GLIS3: variants seen among roughly 807,000 people sequenced by gnomAD.
GLIS3 encodes the protein zinc finger protein GLIS3.
Under a neutral mutation model 78.6 loss-of-function variants are expected in GLIS3, and 53 were observed. The observed-to-expected ratio is 0.67, with a 90% confidence interval of 0.54 to 0.85. The LOEUF is 0.85. GLIS3 is among the 40% of genes least tolerant of loss of function. The pLI is 0.00. For synonymous variants in GLIS3, 684 were observed against 509.9 expected, an observed-to-expected ratio of 1.34 and a Z score of -4.60; for missense variants, 1,703 against 1,231.1, an observed-to-expected ratio of 1.38 and a Z score of -5.74.
chr9:4,235,509 T>G (rs1822647131), intron 2 of GLIS3, among the ~76,000 whole-genome samples: 1 of 152,200 alleles, frequency 6.6e-6, no homozygotes, highest in Non-Finnish European at 1.5e-5. Flanking sequence ...TGCAGTGATT[T>G]AGTCCTTTTG....
chr9:4,079,499 C>A (rs1346412980), intron 4 of GLIS3, among the ~76,000 whole-genome samples: 1 of 152,168 alleles, frequency 6.6e-6, no homozygotes, highest in African/African-American at 2.4e-5. Flanking sequence ...AAGATTCTCA[C>A]CTGCATGTCC....
At chr9:4,304,295 T>C (rs1199581783), upstream of GLIS3, among the ~76,000 whole-genome samples, 3 of 151,816 alleles carry the variant, frequency 2.0e-5, no homozygotes, top group Non-Finnish European at 4.4e-5. Flanking sequence ...GTGTAGGGAG[T>C]GTGAAGGAGG....
intron 9 of GLIS3, among the ~76,000 whole-genome samples, chr9:3,843,496 C>G (rs999155044): frequency 2.0e-5 from 3 of 152,162 alleles, no homozygotes; most frequent in Admixed American, 2.0e-4. Flanking sequence ...ACCTGACATA[C>G]ATCACTGGAT....
chr9:3,993,884 AT>A (rs1429428994), intron 4 of GLIS3, among the ~76,000 whole-genome samples: 2 of 152,106 alleles, frequency 1.3e-5, no homozygotes, highest in Non-Finnish European at 2.9e-5. Context: ...TTTTAAAAGT[AT>A]TTTGACAAAG....
chr9:4,456,705 C>T, the GLIS3 span, among the ~76,000 whole-genome samples: 1 of 152,108 alleles, frequency 6.6e-6, no homozygotes. Flanking sequence ...TACTTAGAGG[C>T]CATTGTAGGG....
chr9:4,332,998 G>A lies in GLIS3; in HGVS notation n.264+14083C>T, dbSNP rs188074077. 2.0e-5 allele frequency among the ~76,000 whole-genome samples: 3 copies of A among 152,296 alleles called. No individual in the cohort carries two copies. In the East Asian group the frequency reaches 5.8e-4, roughly 29 times the overall value. ...CTCCCTAATTTTTATAGCATTGAGT[G>A]CTTACTCTGACAGCTGCTTTATCTA... On this transcript the variant is annotated intron_variant and non_coding_transcript_variant, in intron 2 of 4. Transcript: ENST00000471664.
At chr9:3,988,855 G>C (rs1189590488) in intron 4 of GLIS3, among the ~76,000 whole-genome samples, 2 of 152,084 alleles carry the variant, frequency 1.3e-5, no homozygotes, top group Non-Finnish European at 2.9e-5. Flanking sequence ...TTTAGAGTTA[G>C]GCAAAGACTT....
At chr9:4,344,951 G>C (rs1040300090) in intron 2 of GLIS3, among the ~76,000 whole-genome samples, 4 of 152,154 alleles carry the variant, frequency 2.6e-5, no homozygotes, top group African/African-American at 4.8e-5. Flanking sequence ...TCCATTCCAA[G>C]TTGTACTTAT....
At chr9:4,032,755 CT>C (rs34581310) in intron 4 of GLIS3, among the ~76,000 whole-genome samples, 8,575 of 152,276 alleles carry the variant, frequency 0.056, 810 homozygotes, top group African/African-American at 0.19. Context: ...CCACATCCAA[CT>C]TCTGTCACCA....
chr9:4,247,385 G>T lies in GLIS3; in HGVS notation c.388+38653C>A, dbSNP rs187687057. On this transcript the variant is annotated intron_variant, in intron 2 of 10. Transcript: ENST00000381971. ...AATAAAAAAATTTCTTATTTACATG[G>T]TTAAAATTATAAACAGAAGCATAAT... 1.6e-3 allele frequency among the ~76,000 whole-genome samples: 240 copies of T among 152,240 alleles called. 3 individuals are homozygous for T. Among genetic ancestry groups the T allele is most frequent in the Non-Finnish European group, 1.3e-3 (87 of 68,032 alleles).
At chr9:4,441,450 T>C in the GLIS3 span, among the ~76,000 whole-genome samples, 1 of 152,374 alleles carries the variant, frequency 6.6e-6, no homozygotes, top group African/African-American at 2.4e-5. Context: ...GATTTGCATA[T>C]ATTGAACCAT....
At chr9:4,315,573 G>T (rs938574273) in intron 2 of GLIS3, among the ~76,000 whole-genome samples, 2 of 152,124 alleles carry the variant, frequency 1.3e-5, no homozygotes, top group Non-Finnish European at 2.9e-5. Flanking sequence ...ACATGCCTTA[G>T]AAATAGAGTT....
Position 3,858,623 on chromosome 9 carries a change from C to T in GLIS3, c.2298-2439G>A, listed in dbSNP as rs79589740. On this transcript the variant is annotated intron_variant, in intron 8 of 10. Coordinates refer to ENST00000381971, the MANE Select transcript of GLIS3 (RefSeq NM_001042413.2). ...TATAATTTCAAAACATAGTATGACA[C>T]CCCATATAAAGTATTAATAGAAATT... 3.8e-3 allele frequency among the ~76,000 whole-genome samples: 581 copies of T among 151,974 alleles called. 5 individuals carry two copies. The highest frequency in any genetic ancestry group is 0.014 in the African/African-American group (565 of 41,442).
At chr9:3,991,970 A>G (rs10974277) in intron 4 of GLIS3, among the ~76,000 whole-genome samples, 13,710 of 152,190 alleles carry the variant, frequency 0.09, 705 homozygotes, top group South Asian at 0.16. Context: ...GATTACAGGC[A>G]TGAGCCACCC....
intron 2 of GLIS3, among the ~76,000 whole-genome samples, chr9:4,161,716 C>T (rs961406244): frequency 1.6e-5 from 2 of 121,878 alleles, no homozygotes; most frequent in South Asian, 2.6e-4. Context: ...TTCGCTCTGT[C>T]GCCCAAGCTG....
chr9:4,418,357 A>G, the GLIS3 span, among the ~76,000 whole-genome samples: 2 of 152,224 alleles, frequency 1.3e-5, no homozygotes, highest in African/African-American at 2.4e-5. Flanking sequence ...GCAAGTCACA[A>G]CATTGCCCAA....
At chr9:4,130,203 A>C (rs996300996) in intron 2 of GLIS3, among the ~76,000 whole-genome samples, 1 of 152,234 alleles carries the variant, frequency 6.6e-6, no homozygotes, top group Non-Finnish European at 1.5e-5. Flanking sequence ...AGTTATATTT[A>C]AAAGGGAAGC....
At chr9:3,875,803 T>C (rs1278923028) in intron 8 of GLIS3, among the ~76,000 whole-genome samples, 3 of 152,140 alleles carry the variant, frequency 2.0e-5, no homozygotes, top group Non-Finnish European at 4.4e-5. Context: ...GGGGAGAATA[T>C]AGCAGCAAGG....
chr9:4,208,221 C>G (rs984713788), intron 2 of GLIS3, among the ~76,000 whole-genome samples: 2 of 152,136 alleles, frequency 1.3e-5, no homozygotes, highest in Non-Finnish European at 2.9e-5. Context: ...CTTCTTTATA[C>G]GACAACAAGT....
Sources: allele counts gnomAD v4.1 joint callset (sites outside exome capture counted in the v4.1 genomes callset), GRCh38; gene constraint gnomAD v4.1.1; transcripts MANE v1.5; gene names NCBI Gene and HGNC (gene_info 2026-07-23, HGNC 2026-07-21).